The following HS3ST5 variants were observed in gnomAD, a reference collection of about 807,000 sequenced individuals.
HS3ST5 encodes the protein heparan sulfate glucosamine 3-O-sulfotransferase 5.
Under a neutral mutation model 25.4 loss-of-function variants are expected in HS3ST5, and 10 were observed. That is an observed-to-expected ratio of 0.39 (90% CI 0.24 to 0.67). The LOEUF is 0.67. Ranked by LOEUF, HS3ST5 falls within the 30% of genes least tolerant of loss-of-function variation. HS3ST5 has a pLI of 0.44. For synonymous variants in HS3ST5, 170 were observed against 162.4 expected (o/e 1.05, Z -0.36); for missense variants, 324 against 420.7 (o/e 0.77, Z 2.01).
At chr6:114,102,394 G>C (rs1775780437) in intron 3 of HS3ST5, among the ~76,000 whole-genome samples, 1 of 152,128 alleles carries the variant, frequency 6.6e-6, no homozygotes. Flanking sequence ...TGTGGATCTG[G>C]AGGAGCTCAC....
chr6:114,329,548 A>C (rs1363587529), intron 1 of HS3ST5, among the ~76,000 whole-genome samples: 1 of 152,252 alleles, frequency 6.6e-6, no homozygotes, highest in East Asian at 1.9e-4. Context: ...ACTTCTCTTG[A>C]CATTTAAAAT....
intron 3 of HS3ST5, among the ~76,000 whole-genome samples, chr6:114,092,104 C>T (rs1026095816): frequency 6.6e-6 from 1 of 152,222 alleles, no homozygotes; most frequent in African/African-American, 2.4e-5. Flanking sequence ...TTATATGCCA[C>T]TGTCATTTCT....
At chr6:114,085,117 C>T (rs1379766848) in intron 3 of HS3ST5, among the ~76,000 whole-genome samples, 2 of 152,094 alleles carry the variant, frequency 1.3e-5, no homozygotes, top group African/African-American at 4.8e-5. Flanking sequence ...TTAAACATAA[C>T]TGTTTTATAT....
intron 3 of HS3ST5, among the ~76,000 whole-genome samples, chr6:114,081,167 G>A (rs1774431007): frequency 2.0e-5 from 3 of 152,044 alleles, no homozygotes; most frequent in Non-Finnish European, 4.4e-5. Context: ...AGTTTATGGT[G>A]CCCGAAATAA....
intron 1 of HS3ST5, among the ~76,000 whole-genome samples, chr6:114,247,009 T>G (rs1772410895): frequency 6.6e-6 from 1 of 152,222 alleles, no homozygotes; most frequent in Non-Finnish European, 1.5e-5. Context: ...AAACAAAACT[T>G]ACTTCTTTTC....
intron 3 of HS3ST5, among the ~76,000 whole-genome samples, chr6:114,115,760 T>G (rs993074586): frequency 1.3e-5 from 2 of 152,110 alleles, no homozygotes; most frequent in Admixed American, 1.3e-4. Flanking sequence ...AGCAGGCTTC[T>G]ATGATTGACG....
chr6:114,323,227 A>T (rs1267543709), intron 1 of HS3ST5, among the ~76,000 whole-genome samples: 1 of 152,180 alleles, frequency 6.6e-6, no homozygotes, highest in Non-Finnish European at 1.5e-5. Flanking sequence ...GAAGGTAGGA[A>T]GGAAGAAAAC....
At chr6:114,254,231 T>C (rs1363450850) in intron 1 of HS3ST5, among the ~76,000 whole-genome samples, 3 of 152,174 alleles carry the variant, frequency 2.0e-5, no homozygotes, top group Non-Finnish European at 4.4e-5. Context: ...CCACCTGAGA[T>C]TTGGCACTGT....
chr6:114,195,534 C>A (rs571214069), intron 2 of HS3ST5, among the ~76,000 whole-genome samples: 1 of 152,250 alleles, frequency 6.6e-6, no homozygotes, highest in East Asian at 1.9e-4. Context: ...ACTAAATACA[C>A]CTGTGTCCAG....
At position 114,093,358 on chromosome 6, in the gene HS3ST5, TGTGTGTGTGTGTGTGTGTG is replaced by T. The variant is rs1775240227; in HGVS notation, c.-32-30500_-32-30482del. 4.3e-5 allele frequency among the ~76,000 whole-genome samples: 3 copies of T among 69,064 alleles called. No homozygotes were observed. In the East Asian group the frequency reaches 1.3e-3, roughly 30 times the overall value. The allele number at this position is 69,064 out of a possible 152,430, so 45.3% of individuals were successfully genotyped here. Reference sequence around the variant, plus strand: ...TATCTTTTTTGTTTGTTTGTTTGTGTGTGTGTGTGTGTGTGTGTGTGTGTGTGTGTGTGTGTGTGTCTGG... The same window carrying T: ...TATCTTTTTTGTTTGTTTGTTTGTGTTGTGTGTGTGTGTGTGTGTGTCTGG... On this transcript the variant is annotated intron_variant, in intron 3 of 4. Transcript: ENST00000312719.
intron 2 of HS3ST5, among the ~76,000 whole-genome samples, chr6:114,191,247 C>T (rs1780487888): frequency 6.6e-6 from 1 of 151,846 alleles, no homozygotes; most frequent in Non-Finnish European, 1.5e-5. Context: ...TTTGATCTCT[C>T]TCCTTATTTT....
intron 2 of HS3ST5, among the ~76,000 whole-genome samples, chr6:114,172,078 C>G (rs745560533): frequency 4.7e-4 from 71 of 152,156 alleles, no homozygotes; most frequent in Non-Finnish European, 8.8e-4. Context: ...ATCTCTACCC[C>G]CAACACCACC....
intron 3 of HS3ST5, chr6:114,084,139 T>C (rs942174443): frequency 3.6e-5 from 25 of 695,844 alleles, no homozygotes; most frequent in Non-Finnish European, 5.7e-5. Flanking sequence ...CTTATTGCCA[T>C]GTTGCTTAAG....
At chr6:114,084,383 C>A (rs183035871) in intron 3 of HS3ST5, 4 of 756,032 alleles carry the variant, frequency 5.3e-6, no homozygotes, top group Admixed American at 1.7e-5. Flanking sequence ...TGAAATTCCT[C>A]CTCGGTCACA....
intron 2 of HS3ST5, among the ~76,000 whole-genome samples, chr6:114,225,209 A>G (rs1421936233): frequency 6.6e-6 from 1 of 151,846 alleles, no homozygotes; most frequent in Non-Finnish European, 1.5e-5. Flanking sequence ...AGCATGACTT[A>G]TAGTCTCTTC....
chr6:114,168,898 A>G (rs747125702), intron 2 of HS3ST5, among the ~76,000 whole-genome samples: 1 of 152,198 alleles, frequency 6.6e-6, no homozygotes, highest in Non-Finnish European at 1.5e-5. Context: ...ATTTATATCA[A>G]TCATTCTTAC....
chr6:114,106,418 C>CA (rs931735025), intron 3 of HS3ST5, among the ~76,000 whole-genome samples: 7 of 152,012 alleles, frequency 4.6e-5, no homozygotes, highest in African/African-American at 1.7e-4. Flanking sequence ...AAAAGACCTA[C>CA]AAAAAAGAAA....
chr6:114,088,752 A>G (rs1774976150), intron 3 of HS3ST5, among the ~76,000 whole-genome samples: 2 of 152,228 alleles, frequency 1.3e-5, no homozygotes, highest in Non-Finnish European at 2.9e-5. Flanking sequence ...ATACATATTC[A>G]TGTATGTAAA....
chr6:114,191,678 G>T (rs540729569), intron 2 of HS3ST5, among the ~76,000 whole-genome samples: 1 of 152,124 alleles, frequency 6.6e-6, no homozygotes, highest in African/African-American at 2.4e-5. Flanking sequence ...TGCAGTGTCC[G>T]AAGCTGGGGC....
Sources: allele counts gnomAD v4.1 joint callset (sites outside exome capture counted in the v4.1 genomes callset), GRCh38; gene constraint gnomAD v4.1.1; transcripts MANE v1.5; gene names NCBI Gene and HGNC (gene_info 2026-07-23, HGNC 2026-07-21).